Variants in SPIRE1 observed in about 807,000 individuals in gnomAD.
SPIRE1 encodes protein spire homolog 1.
In SPIRE1, 40 loss-of-function variants were observed where a neutral mutation model predicts 94.1. That is an observed-to-expected ratio of 0.43 (90% CI 0.33 to 0.55). The LOEUF is 0.55. Among genes scored for constraint, SPIRE1 ranks in the 20% least tolerant of loss-of-function variants. SPIRE1 has a pLI of 0.06. For missense variants in SPIRE1, 838 were observed against 975.2 expected, an observed-to-expected ratio of 0.86 and a Z score of 1.87; for synonymous variants, 376 against 371.7, an observed-to-expected ratio of 1.01 and a Z score of -0.13.
At chr18:12,599,089 T>A in intron 2 of SPIRE1, among the ~76,000 whole-genome samples, 1 of 152,074 alleles carries the variant, frequency 6.6e-6, no homozygotes, top group Non-Finnish European at 1.5e-5. Flanking sequence ...TCTCCAAATA[T>A]CTACAAATAA....
At chr18:12,484,649 A>G (rs1258951054) in intron 9 of SPIRE1, among the ~76,000 whole-genome samples, 4 of 152,250 alleles carry the variant, frequency 2.6e-5, no homozygotes, top group Non-Finnish European at 5.9e-5. Flanking sequence ...TTAAAAGAAA[A>G]TCCCAAAAGA....
Position 12,479,723 on chromosome 18 carries a change from G to A in SPIRE1, c.1380C>T (p.Ala460=), listed in dbSNP as rs780258345. The A allele has an allele frequency of 9.3e-6, 15 of 1,613,542 alleles. No homozygotes were observed. Among genetic ancestry groups the A allele is most frequent in the Admixed American group, 5.0e-5 (3 of 59,908 alleles). ...CCTCAGACTCAGAGCTGTCCAGTTC[G>A]GCCAGAGTTGGGGCTCTGAGGAGCT... ...RKKLLRAPTL[A]ELDSSESEEE... Residue 460 remains alanine, a synonymous_variant, in exon 10 of 17, where the codon GCC becomes GCT. Transcript: ENST00000409402.
At chr18:12,503,638 C>T (rs2033738445) in intron 6 of SPIRE1, among the ~76,000 whole-genome samples, 1 of 152,054 alleles carries the variant, frequency 6.6e-6, no homozygotes, top group Non-Finnish European at 1.5e-5. Context: ...TGCTTCCCTA[C>T]AGGTTATCAG....
chr18:12,510,113 A>T (rs963522566), intron 5 of SPIRE1, among the ~76,000 whole-genome samples: 1 of 151,764 alleles, frequency 6.6e-6, no homozygotes, highest in Non-Finnish European at 1.5e-5. Context: ...AAAAAACAGT[A>T]TATACCATAT....
chr18:12,586,114 C>A (rs964069307), intron 2 of SPIRE1, among the ~76,000 whole-genome samples: 1 of 152,134 alleles, frequency 6.6e-6, no homozygotes, highest in African/African-American at 2.4e-5. Context: ...TCACGCCCTG[C>A]TAATTTTTAA....
At chr18:12,525,293 A>AAT (rs1555619694) in intron 4 of SPIRE1, among the ~76,000 whole-genome samples, 1 of 144,142 alleles carries the variant, frequency 6.9e-6, no homozygotes, top group South Asian at 2.2e-4. Context: ...AAAAAAAAAA[A>AAT]AAAAATAATA....
rs2034032776 is a variant in SPIRE1, at chr18:12,511,419, A to C, written c.807+1035T>G. On this transcript the variant is annotated intron_variant, in intron 5 of 16. Coordinates refer to ENST00000409402, the MANE Select transcript of SPIRE1 (RefSeq NM_001128626.2). ...TCTAGGTTGTATGCTCCTTACGAGA[A>C]TCTAATGCCTGATGATCTGAGGTGG... 2.0e-5 allele frequency among the ~76,000 whole-genome samples: 3 copies of C among 152,194 alleles called. No homozygotes were observed. In the South Asian group the frequency reaches 6.2e-4, roughly 32 times the overall value.
At chr18:12,536,209 C>G (rs575655179) in intron 3 of SPIRE1, among the ~76,000 whole-genome samples, 2 of 152,234 alleles carry the variant, frequency 1.3e-5, no homozygotes, top group East Asian at 3.9e-4. Flanking sequence ...AGAGAACCAC[C>G]GTTTATTGTA....
chr18:12,653,612 CAA>C (rs1444398471), intron 1 of SPIRE1, among the ~76,000 whole-genome samples: 1 of 152,150 alleles, frequency 6.6e-6, no homozygotes, highest in Non-Finnish European at 1.5e-5. Context: ...AGATTTGATT[CAA>C]AGAGTTACTA....
intron 2 of SPIRE1, among the ~76,000 whole-genome samples, chr18:12,555,222 T>G (rs1420631307): frequency 6.6e-6 from 1 of 151,962 alleles, no homozygotes; most frequent in Non-Finnish European, 1.5e-5. Flanking sequence ...TCTCATTGAC[T>G]GGTTTTCTGT....
rs142635364 is a variant in SPIRE1, at chr18:12,595,139, G to A, written c.372+39923C>T. Among the ~76,000 whole-genome samples the A allele has an allele frequency of 2.0e-4, 30 of 151,926 alleles. 2 individuals are homozygous for A. In the East Asian group the frequency reaches 4.5e-3, roughly 23 times the overall value. ...CCAACACAAAACAAAACAAAAATTCGCTGGGCATGGTGGTGGGGACCACTA... is the reference window on the plus strand; with the variant it reads ...CCAACACAAAACAAAACAAAAATTCACTGGGCATGGTGGTGGGGACCACTA... On this transcript the variant is annotated intron_variant, in intron 2 of 16. Coordinates refer to ENST00000409402, the MANE Select transcript of SPIRE1 (RefSeq NM_001128626.2).
intron 2 of SPIRE1, among the ~76,000 whole-genome samples, chr18:12,611,837 T>C (rs1302920827): frequency 6.7e-6 from 1 of 150,032 alleles, no homozygotes; most frequent in Non-Finnish European, 1.5e-5. Flanking sequence ...CTACTTTTCT[T>C]TTTTTTTTTG....
At chr18:12,452,570 T>TA (rs1475613896) in intron 14 of SPIRE1, 58 bp from the exon 15 acceptor site, 1 of 1,550,778 alleles carries the variant, frequency 6.4e-7, no homozygotes, top group African/African-American at 1.4e-5. Context: ...AACTGGGAGT[T>TA]AGAGAAGCCT....
intron 2 of SPIRE1, among the ~76,000 whole-genome samples, chr18:12,632,154 C>T (rs1246657414): frequency 6.6e-6 from 1 of 152,102 alleles, no homozygotes; most frequent in Non-Finnish European, 1.5e-5. Flanking sequence ...AGTATAAAGG[C>T]AAATGATATC....
chr18:12,580,091 T>A (rs1004365416), intron 2 of SPIRE1, among the ~76,000 whole-genome samples: 1 of 152,214 alleles, frequency 6.6e-6, no homozygotes, highest in African/African-American at 2.4e-5. Flanking sequence ...AGAAACAGGA[T>A]AGAAACAGCT....
chr18:12,657,788 C>A lies in SPIRE1; in HGVS notation c.79G>T (p.Gly27Trp). The change falls in exon 1 of 17, where the codon GGG becomes TGG. Residue 27 changes from glycine (G) to tryptophan (W), a missense_variant. Gly to Trp is a radical substitution (Grantham distance 184). Transcript: ENST00000409402. The stretch of plus-strand genomic sequence containing the variant: ...CCCCCGGCCGCGCCGCCGGCTGCCC[C>A]GGGCTCCCGCGGCCCCTCGCCGCCC... ...AVGGEGPREPGAAGGAAGGSR... is the reference protein window; with the variant it reads ...AVGGEGPREPWAAGGAAGGSR... 1 of 1,291,824 alleles carries A rather than the reference C, an allele frequency of 7.7e-7. No homozygotes were observed. 80.0% of individuals were successfully genotyped at this position (1,291,824 alleles called of 1,614,324 possible). A position where few individuals can be genotyped will look rare whatever the true frequency, so the allele number is the denominator to read the frequency against.
chr18:12,472,831 C>T (rs1351618529), intron 10 of SPIRE1, among the ~76,000 whole-genome samples: 3 of 152,020 alleles, frequency 2.0e-5, no homozygotes, highest in South Asian at 2.1e-4. Flanking sequence ...CTCACTCTGT[C>T]GCCCAGGCTG....
intron 10 of SPIRE1, among the ~76,000 whole-genome samples, chr18:12,469,008 G>A (rs1461345850): frequency 6.6e-6 from 1 of 152,126 alleles, no homozygotes; most frequent in East Asian, 1.9e-4. Context: ...AGGCTGCAAT[G>A]AGCTGTGTTC....
At chr18:12,541,405 T>C (rs1282510803) in intron 3 of SPIRE1, among the ~76,000 whole-genome samples, 1 of 152,214 alleles carries the variant, frequency 6.6e-6, no homozygotes, top group Admixed American at 6.5e-5. Context: ...GAGAGGTATT[T>C]TAAACCTCCC....
Sources: allele counts gnomAD v4.1 joint callset (sites outside exome capture counted in the v4.1 genomes callset), GRCh38; gene constraint gnomAD v4.1.1; transcripts MANE v1.5; gene names NCBI Gene and HGNC (gene_info 2026-07-23, HGNC 2026-07-21).